The following PLCG2 variants were observed in gnomAD, a reference collection of about 807,000 sequenced individuals.
The protein encoded by PLCG2 is phospholipase C gamma 2, also known as 1-phosphatidylinositol 4,5-bisphosphate phosphodiesterase gamma-2.
A neutral mutation model predicts 175.6 loss-of-function variants in PLCG2; 69 were observed. The observed-to-expected ratio is 0.39, with a 90% CI of 0.32 to 0.48. The LOEUF (loss-of-function observed/expected upper bound fraction) is 0.48. Ranked by LOEUF, PLCG2 falls within the 20% of genes least tolerant of loss-of-function variation. The probability of loss-of-function intolerance (pLI) is 0.91; values close to 1 mark genes in which losing one functional copy is unlikely to be tolerated. For missense variants in PLCG2, 1,798 were observed against 1,650.9 expected (o/e 1.09, Z -1.54); for synonymous variants, 827 against 624.0 (o/e 1.33, Z -4.85).
chr16:81,828,055 A>C (rs376669554), intron 2 of PLCG2, among the ~76,000 whole-genome samples: 2 of 140,314 alleles, frequency 1.4e-5, no homozygotes, highest in Admixed American at 7.8e-5. Flanking sequence ...ATGCCATTGC[A>C]CTCCAGCCTG....
chr16:81,915,052 A>G (rs1909786259), intron 19 of PLCG2, among the ~76,000 whole-genome samples: 1 of 152,224 alleles, frequency 6.6e-6, no homozygotes, highest in Non-Finnish European at 1.5e-5. Flanking sequence ...TGGTCAGGGT[A>G]TGGGGTGAAG....
At chr16:81,855,339 G>A (rs1906630489) in intron 3 of PLCG2, among the ~76,000 whole-genome samples, 1 of 152,118 alleles carries the variant, frequency 6.6e-6, no homozygotes, top group East Asian at 1.9e-4. Flanking sequence ...TTACTCAGGG[G>A]CAGAAGCTTG....
At chr16:81,794,138 C>T (rs781270485) in intron 2 of PLCG2, among the ~76,000 whole-genome samples, 80 of 152,154 alleles carry the variant, frequency 5.3e-4, no homozygotes, top group Admixed American at 1.4e-3. Context: ...ATCCTAGAGG[C>T]GCCGGATTTG....
intron 10 of PLCG2, among the ~76,000 whole-genome samples, chr16:81,891,133 A>G (rs1908611222): frequency 6.6e-6 from 1 of 152,238 alleles, no homozygotes; most frequent in Admixed American, 6.5e-5. Context: ...ACTGCACTCC[A>G]GCCTGGGCAA....
intron 9 of PLCG2, among the ~76,000 whole-genome samples, chr16:81,883,919 A>G (rs1050397435): frequency 6.6e-6 from 1 of 152,212 alleles, no homozygotes; most frequent in Non-Finnish European, 1.5e-5. Context: ...ATGCCCCCAG[A>G]GGACACTGGG....
At chr16:81,796,454 G>C (rs914137618) in intron 2 of PLCG2, among the ~76,000 whole-genome samples, 3 of 152,236 alleles carry the variant, frequency 2.0e-5, no homozygotes, top group Non-Finnish European at 2.9e-5. Flanking sequence ...CATAGGGGTG[G>C]ATTGGAGGTG....
chr16:81,943,103 G>T (rs933402325), intron 30 of PLCG2, among the ~76,000 whole-genome samples: 3 of 152,084 alleles, frequency 2.0e-5, no homozygotes, highest in African/African-American at 7.2e-5. Context: ...TGGAGTGTAG[G>T]GGCTACCTGA....
At chr16:81,945,882 C>G (rs974135626) in intron 30 of PLCG2, among the ~76,000 whole-genome samples, 1 of 152,202 alleles carries the variant, frequency 6.6e-6, no homozygotes, top group Non-Finnish European at 1.5e-5. Context: ...TCACTACACT[C>G]AATGTGGAAT....
At chr16:81,808,956 G>C (rs2143285140) in intron 2 of PLCG2, among the ~76,000 whole-genome samples, 1 of 152,314 alleles carries the variant, frequency 6.6e-6, no homozygotes. Context: ...GCCTGATGAA[G>C]GTTGCTGCCT....
intron 2 of PLCG2, among the ~76,000 whole-genome samples, chr16:81,851,339 T>G (rs1288610536): frequency 2.0e-5 from 3 of 152,232 alleles, no homozygotes; most frequent in Non-Finnish European, 4.4e-5. Context: ...CTGCAGATCT[T>G]AATTGGTTTT....
At chr16:81,934,283 G>A (rs1910619069) in intron 25 of PLCG2, 146 bp from the exon 26 acceptor site, 2 of 622,574 alleles carry the variant, frequency 3.2e-6, no homozygotes, top group Non-Finnish European at 5.7e-6. Context: ...GGGCAGGGTT[G>A]TCTTCAGGAA....
chr16:81,946,744 G>T (rs905245744), intron 31 of PLCG2, among the ~76,000 whole-genome samples: 1 of 152,156 alleles, frequency 6.6e-6, no homozygotes, highest in Non-Finnish European at 1.5e-5. Context: ...CTTTAGGTGA[G>T]TACCTTTTTC....
intron 7 of PLCG2, among the ~76,000 whole-genome samples, chr16:81,880,493 A>T (rs1356553273): frequency 6.6e-6 from 1 of 152,224 alleles, no homozygotes; most frequent in African/African-American, 2.4e-5. Flanking sequence ...TGACATGCTT[A>T]TTGTGGAATA....
intron 2 of PLCG2, among the ~76,000 whole-genome samples, chr16:81,789,733 G>A (rs971471448): frequency 6.6e-6 from 1 of 151,968 alleles, no homozygotes; most frequent in Non-Finnish European, 1.5e-5. Flanking sequence ...AACTAGGCAG[G>A]TTTCACACAT....
At chr16:81,936,513 C>T (rs1033186953) in intron 27 of PLCG2, 135 bp downstream of exon 27, 6 of 706,184 alleles carry the variant, frequency 8.5e-6, no homozygotes, top group African/African-American at 1.8e-5. Flanking sequence ...CACGGTTCAG[C>T]AGAGTAATGG....
intron 1 of PLCG2, among the ~76,000 whole-genome samples, chr16:81,748,434 A>G (rs1909745842): frequency 6.6e-6 from 1 of 152,048 alleles, no homozygotes; most frequent in African/African-American, 2.4e-5. Context: ...AGAAAGGTGC[A>G]GAGCAGAGTA....
At chr16:81,804,683 C>T (rs551337859) in intron 2 of PLCG2, among the ~76,000 whole-genome samples, 2 of 152,162 alleles carry the variant, frequency 1.3e-5, no homozygotes, top group African/African-American at 2.4e-5. Context: ...AACGCCTCAG[C>T]CCAGGGAGTG....
chr16:81,908,767 G>A (rs919794251), intron 17 of PLCG2, among the ~76,000 whole-genome samples, 176 bp downstream of exon 17: 2 of 152,120 alleles, frequency 1.3e-5, no homozygotes, highest in African/African-American at 4.8e-5. Context: ...ACTCACTTCG[G>A]CACTGTAACC....
chr16:81,905,587 G>T (rs940332279), intron 15 of PLCG2, 80 bp downstream of exon 15: 1 of 850,788 alleles, frequency 1.2e-6, no homozygotes, highest in Admixed American at 2.0e-5. Flanking sequence ...GGAGCTCTGA[G>T]AATACGCCTG....
Sources: gnomAD v4.1 joint callset for allele counts (sites outside exome capture counted in the v4.1 genomes callset) on GRCh38, gnomAD v4.1.1 for gene constraint, MANE v1.5 for transcripts, NCBI Gene and HGNC (gene_info 2026-07-23, HGNC 2026-07-21) for gene names.